Variants in STRN observed in about 807,000 individuals in gnomAD.
STRN encodes striatin.
In STRN, 53 loss-of-function variants were observed where a neutral mutation model predicts 96.3. The observed-to-expected ratio is 0.55, with a 90% CI of 0.44 to 0.69. STRN has a LOEUF of 0.69. Among genes scored for constraint, STRN ranks in the 30% least tolerant of loss-of-function variants. STRN has a pLI of 0.00. For missense variants in STRN, 987 were observed against 963.9 expected, an observed-to-expected ratio of 1.02 and a Z score of -0.32; for synonymous variants, 428 against 355.9, an observed-to-expected ratio of 1.20 and a Z score of -2.28.
chr2:36,869,115 C>A (rs6756876), intron 11 of STRN, among the ~76,000 whole-genome samples: 6,185 of 152,192 alleles, frequency 0.041, 192 homozygotes, highest in East Asian at 0.13. Flanking sequence ...AAGACCAAGA[C>A]CCTCCACCCA....
chr2:36,864,407 G>C (rs1668569410), intron 12 of STRN, among the ~76,000 whole-genome samples: 2 of 152,202 alleles, frequency 1.3e-5, no homozygotes, highest in South Asian at 4.1e-4. Context: ...CATCTGTTGA[G>C]ATGATCATGT....
chr2:36,858,530 A>C (rs1362047728), intron 13 of STRN, among the ~76,000 whole-genome samples: 3 of 152,262 alleles, frequency 2.0e-5, no homozygotes. Context: ...TGACATCTAC[A>C]GGAATCCCCA....
chr2:36,964,328 A>T (rs1321456238), intron 1 of STRN, among the ~76,000 whole-genome samples: 1 of 151,218 alleles, frequency 6.6e-6, no homozygotes, highest in Non-Finnish European at 1.5e-5. Context: ...AAACTGGAAA[A>T]GAAATTAAAT....
chr2:36,936,616 T>A (rs1249309622), intron 1 of STRN, among the ~76,000 whole-genome samples: 1 of 152,176 alleles, frequency 6.6e-6, no homozygotes, highest in Non-Finnish European at 1.5e-5. Flanking sequence ...AATCTTTCAA[T>A]ACAATGATGA....
chr2:36,854,260 G>T (rs1017549217), intron 15 of STRN, among the ~76,000 whole-genome samples: 2 of 152,036 alleles, frequency 1.3e-5, no homozygotes, highest in African/African-American at 4.8e-5. Context: ...TAAATTTATT[G>T]AGAGTCTAAA....
chr2:36,938,556 A>T (rs1215909550), intron 1 of STRN, among the ~76,000 whole-genome samples: 2 of 152,234 alleles, frequency 1.3e-5, no homozygotes, highest in Non-Finnish European at 2.9e-5. Context: ...GTAAGTAAGT[A>T]GCAGCCTTAA....
chr2:36,898,962 G>A (rs1169620526), intron 6 of STRN, among the ~76,000 whole-genome samples: 2 of 152,230 alleles, frequency 1.3e-5, no homozygotes, highest in East Asian at 3.9e-4. Flanking sequence ...AGAAGAAAAT[G>A]GAGAAGGGAA....
chr2:36,933,644 G>C (rs955188202), intron 1 of STRN, among the ~76,000 whole-genome samples: 15 of 152,126 alleles, frequency 9.9e-5, no homozygotes, highest in African/African-American at 3.6e-4. Context: ...GTTTTTTTGA[G>C]ACAGGGTTGG....
In STRN at chr2:36,945,581, C is replaced by T. The variant is rs368921079; in HGVS notation, c.235-20373G>A. ...ACTCAGGAGGCTGAGGCAAGAGAAT[C>T]GCTTGAACCAAGAGGCAGAGTTGCA... On this transcript the variant is annotated intron_variant, in intron 1 of 17. Coordinates refer to ENST00000263918, the MANE Select transcript of STRN (RefSeq NM_003162.4). Among the ~76,000 whole-genome samples the T allele has an allele frequency of 3.0e-4, 46 of 152,092 alleles. No individual in the cohort carries two copies. The East Asian group carries it at 3.7e-3, about 12-fold the overall frequency.
chr2:36,842,193 C>T lies in STRN; in HGVS notation c.*7263G>A, dbSNP rs1173640970. 6.6e-6 allele frequency: 1 copy of T among 151,812 alleles called. No individual in the cohort carries two copies. Among genetic ancestry groups the T allele is most frequent in the Non-Finnish European group, 1.5e-5 (1 of 67,930 alleles). The allele number at this position is 151,812 out of a possible 1,614,324, so 9.4% of individuals were successfully genotyped here. ...AATGTAAAACGTTGCTTTCCATGTG[C>T]TTTTTTTTCTTAAAGTTTTCAGTTT... On this transcript the variant is annotated 3_prime_UTR_variant, in exon 18 of 18. Coordinates refer to ENST00000263918, the MANE Select transcript of STRN (RefSeq NM_003162.4).
intron 1 of STRN, among the ~76,000 whole-genome samples, chr2:36,940,836 CAAAAAAA>C (rs56996485): frequency 2.3e-3 from 105 of 46,552 alleles, no homozygotes; most frequent in South Asian, 5.7e-3. Flanking sequence ...GACTCTGTCT[CAAAAAAA>C]AAAAAAAAAA....
chr2:36,859,867 A>G lies in STRN; in HGVS notation c.1669+1265T>C, dbSNP rs528883427. Among the ~76,000 whole-genome samples the G allele has an allele frequency of 2.6e-4, 40 of 152,358 alleles. No homozygotes were observed. In the South Asian group the frequency reaches 8.1e-3, roughly 31 times the overall value. On this transcript the variant is annotated intron_variant, in intron 13 of 17. Coordinates refer to ENST00000263918, the MANE Select transcript of STRN (RefSeq NM_003162.4). Reference sequence around the variant, plus strand: ...ACTAAAAATATTCTTGGATCAGGCAATTAGTTACTGACAATCTTGTTACAT... The same window carrying G: ...ACTAAAAATATTCTTGGATCAGGCAGTTAGTTACTGACAATCTTGTTACAT...
At chr2:36,962,282 G>A (rs145062934) in intron 1 of STRN, among the ~76,000 whole-genome samples, 1 of 152,196 alleles carries the variant, frequency 6.6e-6, no homozygotes, top group African/African-American at 2.4e-5. Flanking sequence ...CATGCCCTAA[G>A]CTACTCAATC....
chr2:36,932,822 G>A (rs1343151241), intron 1 of STRN, among the ~76,000 whole-genome samples: 3 of 152,082 alleles, frequency 2.0e-5, no homozygotes, highest in South Asian at 2.1e-4. Context: ...TTCGTATACA[G>A]AAAACCCTCA....
rs929752709 is a variant in STRN at position 36,838,520 on chromosome 2, C to T, written c.*10936G>A. On this transcript the variant is annotated 3_prime_UTR_variant, in exon 18 of 18. Coordinates refer to ENST00000263918, the MANE Select transcript of STRN (RefSeq NM_003162.4). ...TTAAAATAACACTGAAAAATCACTA[C>T]ATCCACCAGGATTTTTTTCTTTTTT... Among the ~76,000 whole-genome samples the T allele has an allele frequency of 4.6e-5, 7 of 152,196 alleles. No homozygotes were observed. The highest frequency in any genetic ancestry group is 1.0e-4 in the Non-Finnish European group (7 of 68,028).
chr2:36,893,977 A>G lies in STRN; in HGVS notation c.852T>C (p.Ala284=). The change falls in exon 7 of 18, where the codon GCT becomes GCC. Residue 284 remains alanine, a synonymous_variant. Transcript: ENST00000263918. ...TAACCAAGAAGTCAAACTCCTTTAGAGCTTCTTTTGTATCTCGATCTTCAC... is the reference window on the plus strand; with the variant it reads ...TAACCAAGAAGTCAAACTCCTTTAGGGCTTCTTTTGTATCTCGATCTTCAC... The part of the protein sequence containing the change: ...DSGEDRDTKE[A]LKEFDFLVTS... 2 of 1,613,518 alleles carry G rather than the reference A, an allele frequency of 1.2e-6. No homozygotes were observed. The highest frequency in any genetic ancestry group is 1.7e-4 in the Middle Eastern group (1 of 6,058).
intron 2 of STRN, among the ~76,000 whole-genome samples, chr2:36,922,552 C>G (rs1485098696): frequency 6.6e-6 from 1 of 151,350 alleles, no homozygotes; most frequent in Non-Finnish European, 1.5e-5. Context: ...TTAAACCTCC[C>G]ACATTCCCTG....
chr2:36,895,518 G>C (rs776101994), intron 6 of STRN, among the ~76,000 whole-genome samples: 13 of 152,074 alleles, frequency 8.5e-5, no homozygotes, highest in Non-Finnish European at 1.3e-4. Context: ...GTGGCAGACT[G>C]GGAACAGAAA....
At chr2:36,915,698 C>T (rs893661893) in intron 3 of STRN, among the ~76,000 whole-genome samples, 1 of 152,146 alleles carries the variant, frequency 6.6e-6, no homozygotes, top group African/African-American at 2.4e-5. Flanking sequence ...AATCTCTTAC[C>T]TCCATATTTC....
Sources: allele counts gnomAD v4.1 joint callset (sites outside exome capture counted in the v4.1 genomes callset), GRCh38; gene constraint gnomAD v4.1.1; transcripts MANE v1.5; gene names NCBI Gene and HGNC (gene_info 2026-07-23, HGNC 2026-07-21).